TACO1: variants seen among roughly 807,000 people sequenced by gnomAD.
TACO1 encodes the protein translational activator of cytochrome c oxidase I.
TACO1 carries 13 observed loss-of-function variants against 24.0 expected under a neutral mutation model. That is an observed-to-expected ratio of 0.54 (90% CI 0.35 to 0.86). TACO1 has a LOEUF of 0.86. Among genes scored for constraint, TACO1 ranks in the 40% least tolerant of loss-of-function variants. The pLI, the probability that TACO1 is intolerant of heterozygous loss-of-function variation, is 0.01. For missense variants in TACO1, 352 were observed against 380.1 expected, an observed-to-expected ratio of 0.93 and a Z score of 0.61; for synonymous variants, 149 against 153.5, an observed-to-expected ratio of 0.97 and a Z score of 0.22.
Position 63,606,391 on chromosome 17 carries a change from A to G in TACO1, c.466A>G (p.Ser156Gly), listed in dbSNP as rs766925588. ...SSLLIEALSN[S>G]SHKCQADIRH... ...TCTGCTCATCGAGGCATTATCTAAC[A>G]GTAGCCACAAGTGCCAAGCAGACAT... Residue 156 changes from serine (S) to glycine (G), a missense_variant, in exon 3 of 5, where the codon AGT becomes GGT. Ser to Gly is a moderately conservative substitution (Grantham distance 56). Transcript: ENST00000258975. The G allele has an allele frequency of 1.2e-6, 2 of 1,614,202 alleles. No individual in the cohort carries two copies. Among genetic ancestry groups the G allele is most frequent in the Non-Finnish European group, 1.7e-6 (2 of 1,180,012 alleles).
At chr17:63,602,907 C>T (rs1044582459) in intron 1 of TACO1, among the ~76,000 whole-genome samples, 1 of 152,140 alleles carries the variant, frequency 6.6e-6, no homozygotes, top group Admixed American at 6.6e-5. Context: ...CAGCCCCTAC[C>T]CTCAGATCAC....
Position 63,608,011 on chromosome 17 carries a change from C to T in TACO1, c.*9C>T, listed in dbSNP as rs1293465995. 1.9e-6 allele frequency: 3 copies of T among 1,613,930 alleles called. No homozygotes were observed. Among genetic ancestry groups the T allele is most frequent in the South Asian group, 1.1e-5 (1 of 91,062 alleles). Reference sequence around the variant, plus strand: ...ATGATAACATTGAATAACCAGGCTACATGTGCCCCCGGGTTCCTTCCTAGA... The same window carrying T: ...ATGATAACATTGAATAACCAGGCTATATGTGCCCCCGGGTTCCTTCCTAGA... On this transcript the variant is annotated 3_prime_UTR_variant, in exon 5 of 5. Transcript: ENST00000258975.
Position 63,600,976 on chromosome 17 carries a change from G to A in TACO1, c.-108G>A. 7.5e-7 allele frequency: 1 copy of A among 1,339,384 alleles called. No individual in the cohort carries two copies. Among genetic ancestry groups the A allele is most frequent in the Non-Finnish European group, 1.0e-6 (1 of 974,650 alleles). The allele number at this position is 1,339,384 out of a possible 1,614,324, so 83.0% of individuals were successfully genotyped here. A position where few individuals can be genotyped will look rare whatever the true frequency, so the allele number is the denominator to read the frequency against. ...GGGCCCAAGCCTTTGGATCTCAGGT[G>A]ACCGGCACAGGCGGCCGCGGGGTCC... On this transcript the variant is annotated 5_prime_UTR_variant, in exon 1 of 5. Coordinates refer to ENST00000258975, the MANE Select transcript of TACO1 (RefSeq NM_016360.4).
At chr17:63,602,353 T>A (rs1006930946) in intron 1 of TACO1, among the ~76,000 whole-genome samples, 1 of 151,830 alleles carries the variant, frequency 6.6e-6, no homozygotes, top group Non-Finnish European at 1.5e-5. Flanking sequence ...ACAAGTAGCT[T>A]AACTTGAGTT....
rs1452549409 is a variant in TACO1, at chr17:63,601,077, G to A, written c.-7G>A. The A allele has an allele frequency of 6.5e-7, 1 of 1,540,154 alleles. No homozygotes were observed. Among genetic ancestry groups the A allele is most frequent in the South Asian group, 1.2e-5 (1 of 83,892 alleles). On this transcript the variant is annotated 5_prime_UTR_variant, in exon 1 of 5. Transcript: ENST00000258975. Reference sequence around the variant, plus strand: ...TGCTAGCAGCTTGAACCCCAGGGTCGGGACCGATGTCGGCTTGGGCTGCTG... The same window carrying A: ...TGCTAGCAGCTTGAACCCCAGGGTCAGGACCGATGTCGGCTTGGGCTGCTG...
chr17:63,605,344 G>A (rs1297219845), intron 2 of TACO1, among the ~76,000 whole-genome samples: 1 of 152,138 alleles, frequency 6.6e-6, no homozygotes, highest in Non-Finnish European at 1.5e-5. Context: ...GGTGGGAGGG[G>A]CAGGTATATA....
rs1453759051 is a variant in TACO1, at chr17:63,607,831, A to C, written c.723A>C (p.Gln241His). 1 of 1,614,054 alleles carries C rather than the reference A, an allele frequency of 6.2e-7. No homozygotes were observed. The highest frequency in any genetic ancestry group is 8.5e-7 in the Non-Finnish European group (1 of 1,180,006). ...KFICDASSLHQVRKKLDSLGL... is the reference protein window; with the variant it reads ...KFICDASSLHHVRKKLDSLGL... ...TTTGTGATGCCTCTTCACTGCACCA[A>C]GTGAGGAAGAAGCTGGACTCCCTGG... The change falls in exon 5 of 5, where the codon CAA (glutamine) becomes CAC (histidine). Residue 241 changes from glutamine to histidine, a missense_variant. Physicochemically the swap from Gln to His is conservative, Grantham distance 24. Transcript: ENST00000258975.
chr17:63,600,954 C>A lies in TACO1; in HGVS notation c.-130C>A. ...TAGCTGTTGAGCCGCCCCGGGCGGG[C>A]CCAAGCCTTTGGATCTCAGGTGACC... On this transcript the variant is annotated 5_prime_UTR_variant, in exon 1 of 5. Coordinates refer to ENST00000258975, the MANE Select transcript of TACO1 (RefSeq NM_016360.4). The A allele has an allele frequency of 8.8e-7, 1 of 1,134,260 alleles. No homozygotes were observed. Among genetic ancestry groups the A allele is most frequent in the South Asian group, 1.4e-5 (1 of 70,958 alleles). 70.3% of individuals were successfully genotyped at this position (1,134,260 alleles called of 1,614,324 possible). A position where few individuals can be genotyped will look rare whatever the true frequency, so the allele number is the denominator to read the frequency against.
intron 3 of TACO1, 158 bp downstream of exon 3, chr17:63,606,598 T>C (rs1598045707): frequency 2.4e-6 from 2 of 845,688 alleles, no homozygotes; most frequent in Middle Eastern, 3.0e-4. Flanking sequence ...CAGGCTGGAG[T>C]GCAATGGCAT....
chr17:63,602,340 T>A (rs2033828857), intron 1 of TACO1, among the ~76,000 whole-genome samples: 1 of 151,776 alleles, frequency 6.6e-6, no homozygotes, highest in Admixed American at 6.6e-5. Flanking sequence ...TGACTAACCT[T>A]GAACAAGTAG....
At position 63,600,943 on chromosome 17, in the gene TACO1, C is replaced by T. The variant is rs2147785924; in HGVS notation, c.-141C>T. 3.0e-6 allele frequency: 3 copies of T among 988,294 alleles called. No homozygotes were observed. Among genetic ancestry groups the T allele is most frequent in the East Asian group, 2.7e-5 (1 of 37,482 alleles). The allele number at this position is 988,294 out of a possible 1,614,324, so 61.2% of individuals were successfully genotyped here. On this transcript the variant is annotated 5_prime_UTR_variant, in exon 1 of 5. Coordinates refer to ENST00000258975, the MANE Select transcript of TACO1 (RefSeq NM_016360.4). ...TGTAGGGTCATTAGCTGTTGAGCCG[C>T]CCCGGGCGGGCCCAAGCCTTTGGAT...
Position 63,608,003 on chromosome 17 carries a change from C to G in TACO1, c.*1C>G, listed in dbSNP as rs1568112792. On this transcript the variant is annotated 3_prime_UTR_variant, in exon 5 of 5. Transcript: ENST00000258975. The stretch of plus-strand genomic sequence containing the variant: ...TCACGTCTATGATAACATTGAATAA[C>G]CAGGCTACATGTGCCCCCGGGTTCC... The G allele has an allele frequency of 6.2e-7, 1 of 1,614,016 alleles. No individual in the cohort carries two copies. The highest frequency in any genetic ancestry group is 2.2e-5 in the East Asian group (1 of 44,880).
chr17:63,607,518 GC>G (rs1355304157), intron 4 of TACO1, 54 bp downstream of exon 4: 34 of 1,581,380 alleles, frequency 2.2e-5, no homozygotes, highest in Non-Finnish European at 1.5e-5. Flanking sequence ...CCTGATAGAT[GC>G]CTTATGCATG....
At chr17:63,604,438 C>T (rs1352245024) in intron 1 of TACO1, 96 bp from the exon 2 acceptor site, 1 of 1,026,922 alleles carries the variant, frequency 9.7e-7, no homozygotes, top group Non-Finnish European at 1.5e-6. Flanking sequence ...ATTTGCCACT[C>T]CTTTGGCTTG....
Position 63,601,349 on chromosome 17 carries a change from G to A in TACO1, c.266G>A (p.Arg89His), listed in dbSNP as rs755963243. Residue 89 changes from arginine (R) to histidine (H), a missense_variant, in exon 1 of 5, where the codon CGC becomes CAC. Coordinates refer to ENST00000258975, the MANE Select transcript of TACO1 (RefSeq NM_016360.4). ...TTCTCCAAACTCTGTTTGAACATCC[G>A]CCTGGCAGTGAAAGGTGAGACCCTG... ...RIFSKLCLNI[R>H]LAVKEGGPNP... 1.2e-6 allele frequency: 2 copies of A among 1,612,698 alleles called. No individual in the cohort carries two copies. The highest frequency in any genetic ancestry group is 1.7e-6 in the Non-Finnish European group (2 of 1,179,942).
At chr17:63,602,371 A>C (rs1211060033) in intron 1 of TACO1, among the ~76,000 whole-genome samples, 4 of 152,068 alleles carry the variant, frequency 2.6e-5, no homozygotes, top group African/African-American at 9.7e-5. Context: ...GTTTCTCTGA[A>C]ACAAGGATAA....
intron 3 of TACO1, 158 bp from the exon 4 acceptor site, chr17:63,607,129 G>A (rs2033868394): frequency 1.4e-6 from 1 of 737,608 alleles, no homozygotes; most frequent in African/African-American, 1.7e-5. Flanking sequence ...CCCTTACCCA[G>A]CAGCAGCTGC....
At chr17:63,604,472 T>C in intron 1 of TACO1, 62 bp from the exon 2 acceptor site, 1 of 1,423,822 alleles carries the variant, frequency 7.0e-7, no homozygotes, top group Non-Finnish European at 9.9e-7. Flanking sequence ...TCCCTTTTAT[T>C]CTCCCATGTT....
In TACO1 at chr17:63,606,396, C is replaced by T; in HGVS notation, c.471C>T (p.Ser157=). 6.2e-7 allele frequency: 1 copy of T among 1,614,152 alleles called. No individual in the cohort carries two copies. Among genetic ancestry groups the T allele is most frequent in the Non-Finnish European group, 8.5e-7 (1 of 1,180,026 alleles). ...SLLIEALSNS[S]HKCQADIRHI... ...TCATCGAGGCATTATCTAACAGTAGCCACAAGTGCCAAGCAGACATTAGAC... is the reference window on the plus strand; with the variant it reads ...TCATCGAGGCATTATCTAACAGTAGTCACAAGTGCCAAGCAGACATTAGAC... The change falls in exon 3 of 5, where the codon AGC becomes AGT. Residue 157 remains serine, a synonymous_variant. Coordinates refer to ENST00000258975, the MANE Select transcript of TACO1 (RefSeq NM_016360.4).
Sources: allele counts gnomAD v4.1 joint callset (sites outside exome capture counted in the v4.1 genomes callset), GRCh38; gene constraint gnomAD v4.1.1; transcripts MANE v1.5; gene names NCBI Gene and HGNC (gene_info 2026-07-23, HGNC 2026-07-21).